The following FAM227B variants were observed in gnomAD, a reference collection of about 807,000 sequenced individuals.
FAM227B encodes protein FAM227B.
FAM227B carries 88 observed loss-of-function variants against 73.8 expected under a neutral mutation model. That is an observed-to-expected ratio of 1.19 (90% CI 1.00 to 1.42). The LOEUF (loss-of-function observed/expected upper bound fraction) is 1.42. FAM227B is among the 40% of genes most tolerant of loss of function. The pLI is 0.00. For missense variants in FAM227B, 632 were observed against 590.9 expected (o/e 1.07, Z -0.72); for synonymous variants, 210 against 190.5 (o/e 1.10, Z -0.84).
At chr15:49,509,046 G>C (rs758435550) in intron 10 of FAM227B, among the ~76,000 whole-genome samples, 6 of 152,100 alleles carry the variant, frequency 3.9e-5, no homozygotes, top group Non-Finnish European at 5.9e-5. Flanking sequence ...GCTTTCCTTA[G>C]GAAGGAAGAG....
chr15:49,552,295 A>G (rs1291704399), intron 9 of FAM227B, among the ~76,000 whole-genome samples: 2 of 152,166 alleles, frequency 1.3e-5, no homozygotes, highest in African/African-American at 4.8e-5. Flanking sequence ...AGCACTTTAA[A>G]TATATCATTC....
chr15:49,411,056 G>A (rs2048844266), intron 11 of FAM227B, among the ~76,000 whole-genome samples: 1 of 150,584 alleles, frequency 6.6e-6, no homozygotes. Context: ...ATGAGAGAGG[G>A]AGCTAGGAAA....
chr15:49,420,352 A>G (rs972119836), intron 11 of FAM227B, among the ~76,000 whole-genome samples: 1 of 152,184 alleles, frequency 6.6e-6, no homozygotes, highest in African/African-American at 2.4e-5. Context: ...TAACAAAAAC[A>G]AAAATGTGAG....
chr15:49,411,945 A>C (rs1182126968), intron 11 of FAM227B, among the ~76,000 whole-genome samples: 1 of 152,098 alleles, frequency 6.6e-6, no homozygotes, highest in Non-Finnish European at 1.5e-5. Context: ...TTACATCCTC[A>C]TTTGCAGATA....
chr15:49,373,112 GTCT>G (rs1351512703), intron 11 of FAM227B, among the ~76,000 whole-genome samples: 5 of 151,410 alleles, frequency 3.3e-5, no homozygotes, highest in African/African-American at 9.7e-5. Context: ...TTAATTTCTA[GTCT>G]TCTATGAACC....
At chr15:49,334,372 T>C (rs1263948307) in intron 14 of FAM227B, 1 of 315,024 alleles carries the variant, frequency 3.2e-6, no homozygotes, top group African/African-American at 2.3e-5. Context: ...AACAATTTAC[T>C]GATATACACG....
At chr15:49,502,142 T>C (rs2058189079) in intron 11 of FAM227B, among the ~76,000 whole-genome samples, 1 of 152,210 alleles carries the variant, frequency 6.6e-6, no homozygotes, top group Non-Finnish European at 1.5e-5. Context: ...TAACTTTTAT[T>C]ACGGCAGTAA....
intron 10 of FAM227B, among the ~76,000 whole-genome samples, chr15:49,533,349 T>C (rs1204809299): frequency 6.6e-6 from 1 of 152,004 alleles, no homozygotes; most frequent in Non-Finnish European, 1.5e-5. Flanking sequence ...TGCATTCTGC[T>C]GCTTTGGATG....
At chr15:49,513,084 T>C (rs991471234) in intron 10 of FAM227B, among the ~76,000 whole-genome samples, 3 of 152,202 alleles carry the variant, frequency 2.0e-5, no homozygotes, top group South Asian at 2.1e-4. Flanking sequence ...TGTATCTTTA[T>C]AATAGAATGA....
At chr15:49,531,947 T>C (rs1376939691) in intron 10 of FAM227B, among the ~76,000 whole-genome samples, 1 of 151,554 alleles carries the variant, frequency 6.6e-6, no homozygotes, top group Non-Finnish European at 1.5e-5. Context: ...AGTTACTTTG[T>C]CTATTAAATG....
intron 10 of FAM227B, among the ~76,000 whole-genome samples, chr15:49,513,957 G>T (rs1012067886): frequency 2.0e-5 from 3 of 151,978 alleles, no homozygotes; most frequent in Non-Finnish European, 2.9e-5. Flanking sequence ...TGGTCTATAT[G>T]TCTGTTTTGG....
intron 10 of FAM227B, among the ~76,000 whole-genome samples, chr15:49,512,511 A>C (rs954624240): frequency 6.6e-6 from 1 of 152,118 alleles, no homozygotes; most frequent in African/African-American, 2.4e-5. Context: ...TATGCCAATA[A>C]TTGAGATGAT....
intron 13 of FAM227B, among the ~76,000 whole-genome samples, chr15:49,342,074 C>A (rs529910062): frequency 2.6e-5 from 4 of 152,072 alleles, no homozygotes; most frequent in Non-Finnish European, 5.9e-5. Flanking sequence ...AAATCAAGTC[C>A]TGAGTTTTTT....
chr15:49,562,071 G>C (rs1228486847), intron 9 of FAM227B, among the ~76,000 whole-genome samples: 3 of 151,960 alleles, frequency 2.0e-5, no homozygotes, highest in Non-Finnish European at 4.4e-5. Flanking sequence ...CTGATTCTTT[G>C]AGAGGATAAA....
intron 11 of FAM227B, among the ~76,000 whole-genome samples, chr15:49,384,527 A>C (rs912479103): frequency 3.9e-5 from 6 of 152,038 alleles, no homozygotes; most frequent in African/African-American, 1.4e-4. Flanking sequence ...GAAGTGCCAC[A>C]GGAACACAGC....
At chr15:49,450,643 T>C (rs1189275575) in intron 11 of FAM227B, among the ~76,000 whole-genome samples, 1 of 152,160 alleles carries the variant, frequency 6.6e-6, no homozygotes, top group Non-Finnish European at 1.5e-5. Flanking sequence ...AGAGTCTGGA[T>C]AAGAAAGACA....
intron 11 of FAM227B, among the ~76,000 whole-genome samples, chr15:49,479,597 C>CTGTTTTTT (rs2055709347): frequency 1.3e-4 from 13 of 102,086 alleles, no homozygotes; most frequent in African/African-American, 5.4e-4. Flanking sequence ...GTTAATACCT[C>CTGTTTTTT]TGTTTTTTTT....
At chr15:49,398,264 ATGG>A (rs1161687877) in intron 11 of FAM227B, among the ~76,000 whole-genome samples, 5 of 152,052 alleles carry the variant, frequency 3.3e-5, no homozygotes, top group African/African-American at 1.2e-4. Context: ...CCATTACATA[ATGG>A]TAAAGGGATC....
chr15:49,522,544 TA>T (rs1387661190), intron 10 of FAM227B, among the ~76,000 whole-genome samples: 4 of 151,930 alleles, frequency 2.6e-5, no homozygotes, highest in Admixed American at 2.6e-4. Flanking sequence ...ACAACACAGA[TA>T]AAAAATTCAG....
Sources: gnomAD v4.1 joint callset for allele counts (sites outside exome capture counted in the v4.1 genomes callset) on GRCh38, gnomAD v4.1.1 for gene constraint, MANE v1.5 for transcripts, NCBI Gene and HGNC (gene_info 2026-07-23, HGNC 2026-07-21) for gene names.